Variants in NCMAP observed in about 807,000 individuals in gnomAD.
The protein encoded by NCMAP is non-compact myelin associated protein.
In NCMAP, 8 loss-of-function variants were observed where a neutral mutation model predicts 7.8. The observed-to-expected ratio is 1.02, with a 90% CI of 0.60 to 1.84. NCMAP has a LOEUF of 1.84. Among genes scored for constraint, NCMAP ranks in the 40% most tolerant of loss-of-function variants. The pLI is 0.00. For synonymous variants in NCMAP, 41 were observed against 52.9 expected (o/e 0.78, Z 0.98); for missense variants, 112 against 131.4 (o/e 0.85, Z 0.72).
chr1:24,583,154 A>G (rs2148931689), intron 1 of NCMAP, among the ~76,000 whole-genome samples: 1 of 152,296 alleles, frequency 6.6e-6, no homozygotes, highest in East Asian at 1.9e-4. Context: ...TCTCAAGCAG[A>G]GAAAATTTTG....
At chr1:24,569,022 T>C (rs936131325) in intron 1 of NCMAP, among the ~76,000 whole-genome samples, 2 of 133,052 alleles carry the variant, frequency 1.5e-5, no homozygotes, top group African/African-American at 5.5e-5. Context: ...TTTTGTTTTG[T>C]TTTGTTTTTT....
At chr1:24,602,378 C>T (rs1031058764) in intron 3 of NCMAP, among the ~76,000 whole-genome samples, 10 of 135,216 alleles carry the variant, frequency 7.4e-5, no homozygotes, top group South Asian at 2.1e-4. Context: ...GTCAGGAGAT[C>T]GAGACCACGG....
intron 1 of NCMAP, among the ~76,000 whole-genome samples, chr1:24,570,955 G>A (rs1254201895): frequency 6.6e-6 from 1 of 150,720 alleles, no homozygotes; most frequent in Non-Finnish European, 1.5e-5. Flanking sequence ...ACTCCTTCTG[G>A]GCGCCTCTGC....
chr1:24,584,776 G>C (rs895786235), intron 1 of NCMAP, among the ~76,000 whole-genome samples: 5 of 151,952 alleles, frequency 3.3e-5, no homozygotes, highest in African/African-American at 9.7e-5. Context: ...AGTTCCTCAG[G>C]ACATAATCCC....
intron 1 of NCMAP, among the ~76,000 whole-genome samples, chr1:24,571,711 G>T (rs1651394234): frequency 6.7e-6 from 1 of 149,306 alleles, no homozygotes; most frequent in Non-Finnish European, 1.5e-5. Flanking sequence ...TCAGCCTCCC[G>T]AGTAGCTGGG....
At chr1:24,597,240 C>T (rs1019527645) in intron 2 of NCMAP, among the ~76,000 whole-genome samples, 5 of 151,634 alleles carry the variant, frequency 3.3e-5, no homozygotes, top group African/African-American at 1.2e-4. Flanking sequence ...GCACAGTGGC[C>T]CACGCCTGTA....
Position 24,609,184 on chromosome 1 carries a change from T to C in NCMAP, c.*3437T>C, listed in dbSNP as rs538745458. The C allele has an allele frequency of 6.6e-6, 1 of 152,336 alleles. No homozygotes were observed. Among genetic ancestry groups the C allele is most frequent in the African/African-American group, 2.4e-5 (1 of 41,568 alleles). 9.4% of individuals were successfully genotyped at this position (152,336 alleles called of 1,614,324 possible). On this transcript the variant is annotated 3_prime_UTR_variant, in exon 4 of 4. Coordinates refer to ENST00000374392, the MANE Select transcript of NCMAP (RefSeq NM_001010980.5). ...CTCAAGGAGTTAGCAGCTGGTCTCA[T>C]GCAGGGATCTCACCACGTGGTTATG...
At chr1:24,575,918 A>AT (rs1397040412) in intron 1 of NCMAP, among the ~76,000 whole-genome samples, 2 of 85,004 alleles carry the variant, frequency 2.4e-5, no homozygotes, top group East Asian at 6.1e-4. Context: ...GCACTCTCAA[A>AT]AAAAAAAAAA....
rs1651604336 is a variant in NCMAP at position 24,577,398 on chromosome 1, C to CTTGTTTTTTT, written c.-7-18023_-7-18014dup. 2.8e-4 allele frequency among the ~76,000 whole-genome samples: 13 copies of CTTGTTTTTTT among 46,310 alleles called. 1 individual carries two copies. The highest frequency in any genetic ancestry group is 1.6e-3 in the African/African-American group (13 of 8,142). The allele number at this position is 46,310 out of a possible 152,430, so 30.4% of individuals were successfully genotyped here. A position where few individuals can be genotyped will look rare whatever the true frequency, so the allele number is the denominator to read the frequency against. On this transcript the variant is annotated intron_variant, in intron 1 of 3. Coordinates refer to ENST00000374392, the MANE Select transcript of NCMAP (RefSeq NM_001010980.5). Reference sequence around the variant, plus strand: ...TTGGAGTTTCTAAGAAGGCACTGGCCTTGTTTTTTTTTTTTTTTTTTTTTT... The same window carrying CTTGTTTTTTT: ...TTGGAGTTTCTAAGAAGGCACTGGCCTTGTTTTTTTTTGTTTTTTTTTTTTTTTTTTTTTT...
chr1:24,573,074 G>C (rs1445945700), intron 1 of NCMAP, among the ~76,000 whole-genome samples: 1 of 150,504 alleles, frequency 6.6e-6, no homozygotes, highest in Non-Finnish European at 1.5e-5. Context: ...CTACACCCCA[G>C]GTCTAGGAAA....
intron 2 of NCMAP, among the ~76,000 whole-genome samples, chr1:24,600,018 C>G (rs1270711299): frequency 6.6e-6 from 1 of 151,516 alleles, no homozygotes; most frequent in Non-Finnish European, 1.5e-5. Flanking sequence ...ATTTTTTATA[C>G]AGAGATAGAG....
Position 24,590,363 on chromosome 1 carries a change from C to T in NCMAP, c.-7-5061C>T, listed in dbSNP as rs150487046. Among the ~76,000 whole-genome samples, 754 of 152,244 alleles carry T rather than the reference C, an allele frequency of 5.0e-3. 3 individuals carry two copies. Among genetic ancestry groups the T allele is most frequent in the African/African-American group, 0.017 (721 of 41,536 alleles). On this transcript the variant is annotated intron_variant, in intron 1 of 3. Transcript: ENST00000374392. ...CACTAAGCAAACCTTGATCCGCAGC[C>T]ACCTATTTGTATCTCTTTTCTGTAT...
intron 3 of NCMAP, 59 bp downstream of exon 3, chr1:24,601,083 A>C: frequency 2.2e-6 from 3 of 1,373,144 alleles, no homozygotes; most frequent in Non-Finnish European, 2.1e-6. Flanking sequence ...CATCAGAATA[A>C]ATGGGAGGTG....
chr1:24,568,999 C>T (rs1651308337), intron 1 of NCMAP, among the ~76,000 whole-genome samples: 2 of 150,336 alleles, frequency 1.3e-5, no homozygotes, highest in Admixed American at 6.8e-5. Context: ...AGCTTTAATT[C>T]CTAATATATT....
intron 2 of NCMAP, among the ~76,000 whole-genome samples, chr1:24,597,620 A>AG (rs1652287335): frequency 7.3e-5 from 5 of 68,190 alleles, no homozygotes; most frequent in South Asian, 6.4e-4. Context: ...AAAGAAAGAG[A>AG]AAGAAAGAAA....
intron 1 of NCMAP, chr1:24,563,523 A>T (rs1651119102): frequency 7.7e-6 from 1 of 130,678 alleles, no homozygotes; most frequent in African/African-American, 3.2e-5. Context: ...ACTTCTTCTC[A>T]AAAACAACAA....
Position 24,605,669 on chromosome 1 carries a change from G to A in NCMAP, c.231G>A (p.Val77=), listed in dbSNP as rs1302206342. Residue 77 remains valine (V), a synonymous_variant, in exon 4 of 4, where the codon GTG becomes GTA. Transcript: ENST00000374392. ...CCAAGCCAACCGCCCCTTCTGCCGT[G>A]GGCCCAAACAGCAACGGCAGCCAAC... ...KGPKPTAPSA[V]GPNSNGSQHP... is the part of the protein sequence containing the mutation. The A allele has an allele frequency of 6.2e-7, 1 of 1,614,158 alleles. No individual in the cohort carries two copies. Among genetic ancestry groups the A allele is most frequent in the South Asian group, 1.1e-5 (1 of 91,084 alleles).
intron 1 of NCMAP, 95 bp from the exon 2 acceptor site, chr1:24,595,329 C>T (rs1269898823): frequency 1.2e-6 from 1 of 804,840 alleles, no homozygotes; most frequent in South Asian, 1.7e-5. Flanking sequence ...CTTGAATATT[C>T]TACAGTCATC....
intron 2 of NCMAP, among the ~76,000 whole-genome samples, chr1:24,597,655 GAA>G (rs1241421057): frequency 2.4e-5 from 3 of 127,292 alleles, no homozygotes; most frequent in South Asian, 5.3e-4. Context: ...AAGAAAGAAA[GAA>G]AGAAAGAAAG....
Sources: gnomAD v4.1 joint callset for allele counts (sites outside exome capture counted in the v4.1 genomes callset) on GRCh38, gnomAD v4.1.1 for gene constraint, MANE v1.5 for transcripts, NCBI Gene and HGNC (gene_info 2026-07-23, HGNC 2026-07-21) for gene names.